Variants in RYR2 observed in about 807,000 individuals in gnomAD.
RYR2 encodes cardiac muscle ryanodine receptor-calcium release channel.
Under a neutral mutation model 601.1 loss-of-function variants are expected in RYR2, and 227 were observed. That is an observed-to-expected ratio of 0.38 (90% CI 0.34 to 0.42). RYR2 has a LOEUF of 0.42. Among genes scored for constraint, RYR2 ranks in the 10% least tolerant of loss-of-function variants. RYR2 has a pLI of 1.00. For missense variants in RYR2, 4,646 were observed against 6,156.5 expected, an observed-to-expected ratio of 0.75 and a Z score of 8.21; for synonymous variants, 2,223 against 2,175.1, an observed-to-expected ratio of 1.02 and a Z score of -0.61.
At chr1:237,801,572 G>A (rs1206824583) in intron 97 of RYR2, among the ~76,000 whole-genome samples, 12 of 151,198 alleles carry the variant, frequency 7.9e-5, no homozygotes, top group Admixed American at 7.9e-4. Flanking sequence ...AATACTGAAT[G>A]TAGGAAAGGG....
chr1:237,810,726 A>G (rs1187070443), intron 100 of RYR2, among the ~76,000 whole-genome samples: 1 of 152,190 alleles, frequency 6.6e-6, no homozygotes, highest in East Asian at 1.9e-4. Flanking sequence ...TGATTAAGTC[A>G]GTTACGATAA....
At chr1:237,274,762 C>T (rs942947345) in intron 2 of RYR2, among the ~76,000 whole-genome samples, 5 of 151,946 alleles carry the variant, frequency 3.3e-5, no homozygotes, top group Non-Finnish European at 5.9e-5. Context: ...ATAGGTGTAC[C>T]GTTTTTTACC....
chr1:237,118,567 G>A (rs1390929734), intron 1 of RYR2, among the ~76,000 whole-genome samples: 1 of 151,890 alleles, frequency 6.6e-6, no homozygotes, highest in African/African-American at 2.4e-5. Flanking sequence ...GCTGCTGGGA[G>A]GGAAAATAGG....
chr1:237,357,349 C>CT (rs2149698100), intron 4 of RYR2, among the ~76,000 whole-genome samples: 1 of 152,264 alleles, frequency 6.6e-6, no homozygotes, highest in African/African-American at 2.4e-5. Context: ...TTGTCCTGCA[C>CT]TTCCCTAATA....
chr1:237,219,010 ATTTTTT>A (rs754644450), intron 1 of RYR2, among the ~76,000 whole-genome samples: 1 of 121,732 alleles, frequency 8.2e-6, no homozygotes, highest in Non-Finnish European at 1.7e-5. Context: ...CTTATACTTG[ATTTTTT>A]TTTTTTTTTT....
intron 1 of RYR2, among the ~76,000 whole-genome samples, chr1:237,245,021 A>G (rs1686657682): frequency 6.6e-6 from 1 of 152,054 alleles, no homozygotes. Flanking sequence ...CAGCCTGAGC[A>G]ATATAGTGAG....
Position 237,830,639 on chromosome 1 carries a change from G to T in RYR2, c.14756+9G>T. The T allele has an allele frequency of 6.8e-7, 1 of 1,470,182 alleles. No homozygotes were observed. The highest frequency in any genetic ancestry group is 9.5e-7 in the Non-Finnish European group (1 of 1,050,750). The allele number at this position is 1,470,182 out of a possible 1,614,324, so 91.1% of individuals were successfully genotyped here. The stretch of plus-strand genomic sequence containing the variant: ...AACTTGGCTAATTACTTGTGAGTGT[G>T]CCCGTTTCAGAATCTTCCACCTCTC... On this transcript the variant is annotated intron_variant, in intron 103 of 104. Transcript: ENST00000366574.
intron 1 of RYR2, among the ~76,000 whole-genome samples, chr1:237,252,840 C>T (rs1687591632): frequency 6.6e-6 from 1 of 152,118 alleles, no homozygotes; most frequent in Non-Finnish European, 1.5e-5. Context: ...AATCTCTTTC[C>T]ACTTAATCCA....
chr1:237,352,291 A>G (rs1698921290), intron 3 of RYR2, among the ~76,000 whole-genome samples: 1 of 152,078 alleles, frequency 6.6e-6, no homozygotes, highest in Non-Finnish European at 1.5e-5. Flanking sequence ...TATCAGTTAT[A>G]TTTTTATATT....
At chr1:237,816,899 G>T (rs1472191845) in intron 100 of RYR2, among the ~76,000 whole-genome samples, 1 of 152,112 alleles carries the variant, frequency 6.6e-6, no homozygotes, top group Non-Finnish European at 1.5e-5. Flanking sequence ...TGGTCTGTAA[G>T]ATTTTACTTC....
At chr1:237,043,517 A>G (rs1041956567) in intron 1 of RYR2, among the ~76,000 whole-genome samples, 1 of 152,110 alleles carries the variant, frequency 6.6e-6, no homozygotes, top group African/African-American at 2.4e-5. Flanking sequence ...CACTGCAGAT[A>G]CTTCCCAGGC....
At chr1:237,592,355 A>G (rs1382589) in intron 32 of RYR2, among the ~76,000 whole-genome samples, 52,269 of 152,090 alleles carry the variant, frequency 0.34, 10,095 homozygotes, top group Admixed American at 0.43. Context: ...AGTTTAGGCC[A>G]GGTGCAGTGG....
chr1:237,496,460 A>G, intron 19 of RYR2, 51 bp from the exon 20 acceptor site: 1 of 1,597,940 alleles, frequency 6.3e-7, no homozygotes, highest in Non-Finnish European at 8.6e-7. Flanking sequence ...AATGAAAACA[A>G]TGAAAGGTTT....
intron 1 of RYR2, among the ~76,000 whole-genome samples, chr1:237,209,609 T>C (rs927708668): frequency 1.3e-5 from 2 of 151,566 alleles, no homozygotes; most frequent in East Asian, 1.9e-4. Flanking sequence ...TCCCAGCACA[T>C]TGGGAGGCTG....
rs1018416460 is a variant in RYR2, at chr1:237,275,127, A to G, written c.168+4511A>G. 3.5e-4 allele frequency among the ~76,000 whole-genome samples: 53 copies of G among 152,024 alleles called. 1 individual carries two copies. The highest frequency in any genetic ancestry group is 1.6e-4 in the Non-Finnish European group (11 of 67,990). ...ACACACACACATACACACCGCACACATAAAATGTTTTAAATAAAAGGAAAA... is the reference window on the plus strand; with the variant it reads ...ACACACACACATACACACCGCACACGTAAAATGTTTTAAATAAAAGGAAAA... On this transcript the variant is annotated intron_variant, in intron 2 of 104. Transcript: ENST00000366574.
chr1:237,669,037 T>C (rs1374460386), intron 58 of RYR2, among the ~76,000 whole-genome samples: 1 of 151,196 alleles, frequency 6.6e-6, no homozygotes, highest in Non-Finnish European at 1.5e-5. Flanking sequence ...TCCGCAGTGT[T>C]TGTGTCCCTG....
At chr1:237,270,441 C>T in intron 1 of RYR2, 56 bp from the exon 2 acceptor site, 1 of 1,548,362 alleles carries the variant, frequency 6.5e-7, no homozygotes, top group Non-Finnish European at 8.7e-7. Flanking sequence ...ATGATTTGGA[C>T]TGTGCAGTCA....
chr1:237,328,610 A>C (rs535177563), intron 2 of RYR2, among the ~76,000 whole-genome samples: 27 of 152,134 alleles, frequency 1.8e-4, no homozygotes, highest in East Asian at 1.7e-3. Context: ...TTTAAAAAAA[A>C]AAAACAAAAC....
At chr1:237,706,759 A>G (rs1360634132) in intron 67 of RYR2, among the ~76,000 whole-genome samples, 190 bp from the exon 68 acceptor site, 5 of 152,188 alleles carry the variant, frequency 3.3e-5, no homozygotes, top group African/African-American at 1.2e-4. Context: ...GTGATGGTAC[A>G]GTAGGAACTT....
Sources: gnomAD v4.1 joint callset for allele counts (sites outside exome capture counted in the v4.1 genomes callset) on GRCh38, gnomAD v4.1.1 for gene constraint, MANE v1.5 for transcripts, NCBI Gene and HGNC (gene_info 2026-07-23, HGNC 2026-07-21) for gene names.